Variants in TRABD2B observed in about 807,000 individuals in gnomAD.
TRABD2B encodes metalloprotease TIKI2.
A neutral mutation model predicts 40.1 loss-of-function variants in TRABD2B; 14 were observed. The observed-to-expected ratio is 0.35, with a 90% CI of 0.23 to 0.55. The LOEUF is 0.55. Among genes scored for constraint, TRABD2B ranks in the 20% least tolerant of loss-of-function variants. TRABD2B has a pLI of 0.90. For missense variants in TRABD2B, 541 were observed against 648.6 expected, an observed-to-expected ratio of 0.83 and a Z score of 1.80; for synonymous variants, 263 against 277.0, an observed-to-expected ratio of 0.95 and a Z score of 0.50.
chr1:47,955,075 C>A, intron 2 of TRABD2B, among the ~76,000 whole-genome samples: 1 of 152,174 alleles, frequency 6.6e-6, no homozygotes, highest in Non-Finnish European at 1.5e-5. Context: ...CCACAGCTGG[C>A]CTCTTGGCCT....
At chr1:47,914,801 C>T (rs189970073) in intron 2 of TRABD2B, among the ~76,000 whole-genome samples, 3 of 152,274 alleles carry the variant, frequency 2.0e-5, no homozygotes, top group Non-Finnish European at 4.4e-5. Flanking sequence ...TCTGCAAGGG[C>T]CAGGGAATGA....
chr1:47,777,316 G>C (rs1644461029), intron 5 of TRABD2B, among the ~76,000 whole-genome samples: 1 of 152,218 alleles, frequency 6.6e-6, no homozygotes, highest in Non-Finnish European at 1.5e-5. Flanking sequence ...CTGGCCCCCA[G>C]TATAAACTAA....
chr1:47,769,662 A>C (rs1267409750), intron 6 of TRABD2B, among the ~76,000 whole-genome samples: 1 of 152,230 alleles, frequency 6.6e-6, no homozygotes, highest in Non-Finnish European at 1.5e-5. Flanking sequence ...GTGGCCTCAA[A>C]GCCAAACCAA....
At chr1:47,823,951 T>C (rs1277934242) in intron 2 of TRABD2B, among the ~76,000 whole-genome samples, 3 of 152,232 alleles carry the variant, frequency 2.0e-5, no homozygotes, top group Non-Finnish European at 2.9e-5. Flanking sequence ...TCCCTCTGTT[T>C]GGAAGGTTGT....
intron 2 of TRABD2B, among the ~76,000 whole-genome samples, chr1:47,960,429 A>G (rs374689148): frequency 6.6e-6 from 1 of 152,166 alleles, no homozygotes; most frequent in East Asian, 1.9e-4. Flanking sequence ...CAAATTGTCC[A>G]TGTTTGCAGA....
intron 2 of TRABD2B, among the ~76,000 whole-genome samples, chr1:47,891,598 A>C (rs1644446020): frequency 6.6e-6 from 1 of 152,140 alleles, no homozygotes; most frequent in Admixed American, 6.5e-5. Context: ...GGAGTTCGAG[A>C]CTAGCCTGAG....
At chr1:47,960,603 T>C (rs1645498132) in intron 2 of TRABD2B, among the ~76,000 whole-genome samples, 1 of 152,156 alleles carries the variant, frequency 6.6e-6, no homozygotes, top group Non-Finnish European at 1.5e-5. Context: ...AGTCAACTCC[T>C]ATTCACAACT....
At chr1:47,806,925 T>C (rs146722855) in intron 2 of TRABD2B, among the ~76,000 whole-genome samples, 1 of 152,260 alleles carries the variant, frequency 6.6e-6, no homozygotes, top group East Asian at 1.9e-4. Context: ...CTTGCAAGTC[T>C]GCTCACCCAA....
At chr1:47,906,020 A>G (rs11211627) in intron 2 of TRABD2B, among the ~76,000 whole-genome samples, 54,109 of 151,992 alleles carry the variant, frequency 0.36, 10,174 homozygotes, top group East Asian at 0.57. Flanking sequence ...TCATTTTTTT[A>G]TGCCCAGAAA....
At chr1:47,855,573 C>A (rs956862790) in intron 2 of TRABD2B, among the ~76,000 whole-genome samples, 1 of 152,234 alleles carries the variant, frequency 6.6e-6, no homozygotes, top group African/African-American at 2.4e-5. Flanking sequence ...ATTCTGACAG[C>A]TGTCTAGTAT....
chr1:47,923,437 G>C (rs1201112942), intron 2 of TRABD2B, among the ~76,000 whole-genome samples: 1 of 152,182 alleles, frequency 6.6e-6, no homozygotes, highest in Non-Finnish European at 1.5e-5. Flanking sequence ...TTTACAGGAT[G>C]AATCAATGAA....
intron 2 of TRABD2B, among the ~76,000 whole-genome samples, chr1:47,899,120 GTC>G (rs1040826434): frequency 2.6e-5 from 4 of 152,326 alleles, no homozygotes; most frequent in Admixed American, 6.5e-5. Context: ...ATATCTTTCT[GTC>G]TCTGCATTTG....
intron 2 of TRABD2B, among the ~76,000 whole-genome samples, chr1:47,903,615 A>G (rs1644634152): frequency 6.6e-6 from 1 of 152,090 alleles, no homozygotes; most frequent in Non-Finnish European, 1.5e-5. Flanking sequence ...CTGAGAAAAT[A>G]GTTGGAAGGG....
intron 2 of TRABD2B, among the ~76,000 whole-genome samples, chr1:47,834,253 G>A (rs1173900020): frequency 6.6e-6 from 1 of 152,136 alleles, no homozygotes; most frequent in Non-Finnish European, 1.5e-5. Context: ...TCAAATTTTT[G>A]AACATCACAG....
chr1:47,912,959 A>G (rs1644782421), intron 2 of TRABD2B, among the ~76,000 whole-genome samples: 1 of 151,790 alleles, frequency 6.6e-6, no homozygotes. Flanking sequence ...CTAATCCGGA[A>G]CCCCCTGTGC....
chr1:47,944,838 G>C (rs1012285594), intron 2 of TRABD2B, among the ~76,000 whole-genome samples: 1 of 152,190 alleles, frequency 6.6e-6, no homozygotes, highest in Non-Finnish European at 1.5e-5. Context: ...GAAATAGCCA[G>C]CTCTGTCCTG....
intron 2 of TRABD2B, among the ~76,000 whole-genome samples, chr1:47,888,625 C>CCA (rs1166710177): frequency 6.6e-6 from 1 of 152,164 alleles, no homozygotes; most frequent in Non-Finnish European, 1.5e-5. Context: ...CACCTGCTTA[C>CCA]CACACCCATA....
At position 47,957,673 on chromosome 1, in the gene TRABD2B, GA is replaced by G. The variant is rs1421435469; in HGVS notation, c.666+36360del. Among the ~76,000 whole-genome samples, 5 of 152,008 alleles carry G rather than the reference GA, an allele frequency of 3.3e-5. No homozygotes were observed. In the East Asian group the frequency reaches 7.7e-4, roughly 23 times the overall value. ...AAGTTTAGAGAAAAAAGAGTAAAAA[GA>G]AACAAAAAAAGCCTCCAAGAAATAT... On this transcript the variant is annotated intron_variant, in intron 2 of 6. Transcript: ENST00000606738.
intron 2 of TRABD2B, among the ~76,000 whole-genome samples, chr1:47,852,105 A>C (rs1645557029): frequency 6.6e-6 from 1 of 152,176 alleles, no homozygotes; most frequent in African/African-American, 2.4e-5. Flanking sequence ...AAACTGTCCA[A>C]AGAATAACCC....
Sources: gnomAD v4.1 joint callset for allele counts (sites outside exome capture counted in the v4.1 genomes callset) on GRCh38, gnomAD v4.1.1 for gene constraint, MANE v1.5 for transcripts, NCBI Gene and HGNC (gene_info 2026-07-23, HGNC 2026-07-21) for gene names.